CPLX2: variants seen among roughly 807,000 people sequenced by gnomAD.
The protein encoded by CPLX2 is complexin-2.
A neutral mutation model predicts 16.3 loss-of-function variants in CPLX2; 5 were observed. The ratio of observed to expected loss-of-function variants is 0.31; its 90% CI spans 0.16 to 0.64. The LOEUF is 0.64. Among genes scored for constraint, CPLX2 ranks in the 30% least tolerant of loss-of-function variants. The pLI, the probability that CPLX2 is intolerant of heterozygous loss-of-function variation, is 0.79. For synonymous variants in CPLX2, 89 were observed against 73.2 expected (o/e 1.22, Z -1.10); for missense variants, 144 against 181.4 (o/e 0.79, Z 1.18).
At chr5:175,806,298 C>G (rs908629690) in intron 1 of CPLX2, among the ~76,000 whole-genome samples, 1 of 152,110 alleles carries the variant, frequency 6.6e-6, no homozygotes, top group African/African-American at 2.4e-5. Context: ...TTCCTTCTGC[C>G]TGGAAAGCCC....
chr5:175,821,263 CTT>C (rs910166171), intron 2 of CPLX2, among the ~76,000 whole-genome samples: 27 of 152,240 alleles, frequency 1.8e-4, no homozygotes, highest in South Asian at 8.3e-4. Flanking sequence ...GCAGGACACT[CTT>C]TCTCCCTTCT....
rs1185433280 is a variant in CPLX2, at chr5:175,849,545, C to T, written c.-88-29107C>T. 6.6e-6 allele frequency among the ~76,000 whole-genome samples: 1 copy of T among 152,210 alleles called. No individual in the cohort carries two copies. Among genetic ancestry groups the T allele is most frequent in the African/African-American group, 2.4e-5 (1 of 41,468 alleles). On this transcript the variant is annotated intron_variant, in intron 2 of 4. Coordinates refer to the CPLX2 transcript ENST00000359546. This position sits in a 1 kb window ranked among gnomAD's most constrained non-coding sequence, Gnocchi z 4.4. ...TGGGGAGATAGCACATAAGCAGAGA[C>T]TCTCCCTGCACAAGGGGGTGCTACC... is the stretch of plus-strand genomic sequence containing the variant.
intron 1 of CPLX2, among the ~76,000 whole-genome samples, chr5:175,801,353 C>G (rs950437803): frequency 6.6e-6 from 1 of 152,090 alleles, no homozygotes. Flanking sequence ...TAAGGGCTGC[C>G]ATTGTGGGAA....
chr5:175,878,805 G>A (rs764770402), intron 2 of CPLX2, 35 bp downstream of exon 2: 128 of 1,611,534 alleles, frequency 7.9e-5, no homozygotes, highest in Non-Finnish European at 1.1e-4. Context: ...GTCCTCAGCC[G>A]GTCCCACCCT....
rs536400799 is a variant in CPLX2 at position 175,865,708 on chromosome 5, T to A, written c.-88-12944T>A. Among the ~76,000 whole-genome samples the A allele has an allele frequency of 1.3e-3, 197 of 152,352 alleles. 1 individual carries two copies. The highest frequency in any genetic ancestry group is 4.4e-3 in the African/African-American group (183 of 41,582). ...TGTAAGATGAGGGTCCAGGATCTTA[T>A]GATTCTCTGACTCTATTGACCCAGG... On this transcript the variant is annotated intron_variant, in intron 2 of 4. Coordinates refer to the CPLX2 transcript ENST00000359546.
chr5:175,815,474 A>C lies in CPLX2; in HGVS notation c.-89+6406A>C, dbSNP rs1400696213. 2.6e-5 allele frequency among the ~76,000 whole-genome samples: 4 copies of C among 152,242 alleles called. No homozygotes were observed. In the East Asian group the frequency reaches 7.7e-4, roughly 29 times the overall value. ...CAGGGAGTGGAGTTACCACTCCAGC[A>C]GTTACCACACAGGCACGGGGCCCCA... On this transcript the variant is annotated intron_variant, in intron 2 of 4. Coordinates refer to the CPLX2 transcript ENST00000359546.
chr5:175,855,244 G>A (rs942770489), intron 2 of CPLX2, among the ~76,000 whole-genome samples: 11 of 152,140 alleles, frequency 7.2e-5, no homozygotes, highest in South Asian at 2.1e-4. Context: ...GTCCAGAGTC[G>A]AAATGTGTGG....
rs1755594353 is a variant in CPLX2, at chr5:175,881,413, C to T, written c.*1368C>T. 6.5e-6 allele frequency: 1 copy of T among 153,366 alleles called. No homozygotes were observed. The highest frequency in any genetic ancestry group is 2.4e-5 in the African/African-American group (1 of 41,406). 9.5% of individuals were successfully genotyped at this position (153,366 alleles called of 1,614,324 possible). Reference sequence around the variant, plus strand: ...AATTGTGTCATATGTGTGTGCTATCCATCTCGTGTTTAGAGGCTGTATATG... The same window carrying T: ...AATTGTGTCATATGTGTGTGCTATCTATCTCGTGTTTAGAGGCTGTATATG... On this transcript the variant is annotated 3_prime_UTR_variant, in exon 4 of 4. Transcript: ENST00000393745.
At chr5:175,851,599 C>A (rs954907063) in intron 2 of CPLX2, among the ~76,000 whole-genome samples, 1 of 152,218 alleles carries the variant, frequency 6.6e-6, no homozygotes, top group Non-Finnish European at 1.5e-5. Flanking sequence ...GGAATGGCTG[C>A]GGAAGCTCCC....
At chr5:175,821,700 G>A (rs550700043) in intron 2 of CPLX2, among the ~76,000 whole-genome samples, 31 of 152,298 alleles carry the variant, frequency 2.0e-4, no homozygotes, top group South Asian at 8.3e-4. Context: ...GAGCCACCAC[G>A]CCCGGCCCTA....
chr5:175,878,043 A>C (rs1755445126), intron 1 of CPLX2, among the ~76,000 whole-genome samples: 1 of 152,262 alleles, frequency 6.6e-6, no homozygotes, highest in African/African-American at 2.4e-5. Context: ...CACGTACATT[A>C]CAATAAAAAT....
At chr5:175,873,901 G>A (rs955667616) in intron 1 of CPLX2, among the ~76,000 whole-genome samples, 1 of 152,196 alleles carries the variant, frequency 6.6e-6, no homozygotes, top group African/African-American at 2.4e-5. Flanking sequence ...CAGAGATGAG[G>A]GTAAGAGGTT....
At chr5:175,816,591 G>T (rs1581072530) in intron 2 of CPLX2, among the ~76,000 whole-genome samples, 1 of 152,208 alleles carries the variant, frequency 6.6e-6, no homozygotes, top group East Asian at 1.9e-4. Flanking sequence ...CTGAGTTCAC[G>T]TTCTTGCAGC....
chr5:175,805,236 C>T (rs1010973293), intron 1 of CPLX2, among the ~76,000 whole-genome samples: 1 of 152,138 alleles, frequency 6.6e-6, no homozygotes, highest in Non-Finnish European at 1.5e-5. Flanking sequence ...ACCCTAATAA[C>T]CCTTTTGAGT....
At chr5:175,878,483 A>G (rs889197660) in intron 1 of CPLX2, 169 bp from the exon 2 acceptor site, 3 of 579,772 alleles carry the variant, frequency 5.2e-6, no homozygotes, top group Admixed American at 3.2e-5. Flanking sequence ...GTGTCTGCCC[A>G]GTAAATCGCT....
chr5:175,818,647 A>C, intron 2 of CPLX2, among the ~76,000 whole-genome samples: 2 of 82,492 alleles, frequency 2.4e-5, no homozygotes, highest in African/African-American at 4.6e-5. Context: ...CTGCTGTCCC[A>C]ACCTTTTTTT....
intron 2 of CPLX2, among the ~76,000 whole-genome samples, chr5:175,816,356 C>G (rs926770629): frequency 1.3e-5 from 2 of 152,044 alleles, no homozygotes; most frequent in African/African-American, 2.4e-5. Context: ...TTAGTAGAGG[C>G]GGGGTTTCAC....
Position 175,836,154 on chromosome 5 carries a change from T to C in CPLX2, c.-89+27086T>C, listed in dbSNP as rs569101066. On this transcript the variant is annotated intron_variant, in intron 2 of 4. Coordinates refer to the CPLX2 transcript ENST00000359546. ...TCACGAGGTCAGGAGATCGAAACCATCCTGGCTAACACGGTGAAACCCCGT... is the reference window on the plus strand; with the variant it reads ...TCACGAGGTCAGGAGATCGAAACCACCCTGGCTAACACGGTGAAACCCCGT... Among the ~76,000 whole-genome samples the C allele has an allele frequency of 6.4e-4, 98 of 152,146 alleles. 1 individual carries two copies. The highest frequency in any genetic ancestry group is 2.2e-3 in the African/African-American group (92 of 41,534).
intron 2 of CPLX2, among the ~76,000 whole-genome samples, chr5:175,861,462 G>A (rs1428344692): frequency 1.3e-5 from 2 of 152,196 alleles, no homozygotes; most frequent in African/African-American, 2.4e-5. Context: ...ACCCGATGCT[G>A]CAGGTAATGG....
Sources: gnomAD v4.1 joint callset for allele counts (sites outside exome capture counted in the v4.1 genomes callset) on GRCh38, gnomAD v4.1.1 for gene constraint, Gnocchi (gnomAD v3.1) non-coding constraint, MANE v1.5 for transcripts, NCBI Gene and HGNC (gene_info 2026-07-23, HGNC 2026-07-21) for gene names.